Variants in ACRBP observed in about 807,000 individuals in gnomAD.
ACRBP encodes acrosin binding protein.
In ACRBP, 52 loss-of-function variants were observed where a neutral mutation model predicts 69.0. The observed-to-expected ratio is 0.75, with a 90% confidence interval of 0.60 to 0.95. The LOEUF (loss-of-function observed/expected upper bound fraction) is 0.95. Ranked by LOEUF, ACRBP falls within the 40% of genes least tolerant of loss-of-function variation. ACRBP has a pLI of 0.00. For synonymous variants in ACRBP, 267 were observed against 258.9 expected (o/e 1.03, Z -0.30); for missense variants, 604 against 673.0 (o/e 0.90, Z 1.13).
chr12:6,644,006 T>C, intron 5 of ACRBP, 131 bp downstream of exon 5: 3 of 1,460,216 alleles, frequency 2.1e-6, no homozygotes, highest in South Asian at 2.9e-5. Flanking sequence ...GGTGAGGCAG[T>C]TGCTAGCTGT....
chr12:6,644,687 C>G (rs1949075921), intron 4 of ACRBP, 82 bp from the exon 5 acceptor site: 10 of 1,513,656 alleles, frequency 6.6e-6, no homozygotes, highest in Non-Finnish European at 8.8e-6. Flanking sequence ...GGGACACACA[C>G]ATAAACAAAG....
At position 6,647,221 on chromosome 12, in the gene ACRBP, C is replaced by G. The variant is rs947452376; in HGVS notation, c.43+103G>C. 4.3e-6 allele frequency: 6 copies of G among 1,383,836 alleles called. No homozygotes were observed. In the African/African-American group the frequency reaches 5.9e-5, roughly 14 times the overall value. 85.7% of individuals were successfully genotyped at this position (1,383,836 alleles called of 1,614,324 possible). The stretch of plus-strand genomic sequence containing the variant: ...CAGGACCTAGGGAGCCGACCCAGCG[C>G]GACCACCATGAGGAAGCGATCCAGA... On this transcript the variant is annotated intron_variant, in intron 1 of 9. Coordinates refer to ENST00000229243, the MANE Select transcript of ACRBP (RefSeq NM_032489.3).
chr12:6,644,506 G>T lies in ACRBP; in HGVS notation c.575C>A (p.Ala192Glu), dbSNP rs376933199. ...SSLSLGGQEQ[A>E]PEHKQEQGVE... ...TCCTTGCTCCTGCTTGTGCTCTGGCGCTTGCTCCTGGCCTCCCAGGGACAA... is the reference window on the plus strand; with the variant it reads ...TCCTTGCTCCTGCTTGTGCTCTGGCTCTTGCTCCTGGCCTCCCAGGGACAA... Residue 192 changes from alanine to glutamate, a missense_variant, in exon 5 of 10, where the codon GCG becomes GAG. Ala to Glu is a moderately radical substitution (Grantham distance 107, BLOSUM62 -1). This residue lies in a region of ACRBP where 532 missense variants were observed against 562.9 expected (regional missense o/e 0.95). Coordinates refer to ENST00000229243, the MANE Select transcript of ACRBP (RefSeq NM_032489.3). The T allele has an allele frequency of 6.2e-7, 1 of 1,613,932 alleles. No individual in the cohort carries two copies. Among genetic ancestry groups the T allele is most frequent in the Non-Finnish European group, 8.5e-7 (1 of 1,180,020 alleles).
rs577802329 is a variant in ACRBP at position 6,645,111 on chromosome 12, C to T, written c.475+109G>A. The T allele has an allele frequency of 3.2e-3, 2,717 of 857,818 alleles. 14 individuals are homozygous for T. The highest frequency in any genetic ancestry group is 8.3e-3 in the South Asian group (488 of 58,554). 53.1% of individuals were successfully genotyped at this position (857,818 alleles called of 1,614,324 possible). Reference sequence around the variant, plus strand: ...TGTAAACAGCTGTCTGCTGGCGCCCCCTTCCCGCCCAACATGCTTCCCATT... The same window carrying T: ...TGTAAACAGCTGTCTGCTGGCGCCCTCTTCCCGCCCAACATGCTTCCCATT... On this transcript the variant is annotated intron_variant, in intron 4 of 9. Coordinates refer to ENST00000229243, the MANE Select transcript of ACRBP (RefSeq NM_032489.3).
Position 6,647,337 on chromosome 12 carries a change from G to A in ACRBP, c.30C>T (p.Pro10=). 6.5e-7 allele frequency: 1 copy of A among 1,549,562 alleles called. No individual in the cohort carries two copies. Residue 10 remains proline, a synonymous_variant, in exon 1 of 10, where the codon CCC becomes CCT. Transcript: ENST00000229243. MRKPAAGFL[P]SLLKVLLLPL... ...TAAACCTCTCACCCTTCAGGAGTGA[G>A]GGAAGGAAGCCAGCGGCTGGCTTCC...
chr12:6,647,060 G>C, intron 1 of ACRBP, 48 bp from the exon 2 acceptor site: 1 of 1,546,116 alleles, frequency 6.5e-7, no homozygotes. Context: ...CCCAAAACCC[G>C]CTCCGAGACC....
Position 6,640,396 on chromosome 12 carries a change from T to C in ACRBP, c.1204A>G (p.Thr402Ala), listed in dbSNP as rs1382811428. 1 of 1,613,750 alleles carries C rather than the reference T, an allele frequency of 6.2e-7. No homozygotes were observed. Among genetic ancestry groups the C allele is most frequent in the South Asian group, 1.1e-5 (1 of 91,056 alleles). The change falls in exon 7 of 10, where the codon ACT (threonine) becomes GCT (alanine). Residue 402 changes from threonine (T) to alanine (A), a missense_variant. Thr to Ala is a moderately conservative substitution (Grantham distance 58, BLOSUM62 0). This residue lies in a region of ACRBP where 532 missense variants were observed against 562.9 expected (regional missense o/e 0.95). Coordinates refer to ENST00000229243, the MANE Select transcript of ACRBP (RefSeq NM_032489.3). This position sits in a 1 kb window ranked among gnomAD's most constrained non-coding sequence, Gnocchi z 5.3. ...GCAAGCAAGGGGCTGACAAAGGGAG[T>C]CTTGTGGGAGGTGTCGCATTGTTGC... ...QRQQCDTSHKTPFVSPLLASQ... is the reference protein window; with the variant it reads ...QRQQCDTSHKAPFVSPLLASQ...
In ACRBP at chr12:6,640,599, G is replaced by C; in HGVS notation, c.1078-77C>G. The C allele has an allele frequency of 6.7e-7, 1 of 1,483,334 alleles. No individual in the cohort carries two copies. Among genetic ancestry groups the C allele is most frequent in the Non-Finnish European group, 9.1e-7 (1 of 1,094,192 alleles). The allele number at this position is 1,483,334 out of a possible 1,614,324, so 91.9% of individuals were successfully genotyped here. A position where few individuals can be genotyped will look rare whatever the true frequency, so the allele number is the denominator to read the frequency against. On this transcript the variant is annotated intron_variant, in intron 6 of 9. Coordinates refer to ENST00000229243, the MANE Select transcript of ACRBP (RefSeq NM_032489.3). The surrounding 1 kb of genome is among the most constrained non-coding windows in gnomAD (Gnocchi z 5.3). Reference sequence around the variant, plus strand: ...CTCCCATGCCTCAGCCCTCCAGGGTGGGCCCTGCAGAATGTCTTTGCATTT... The same window carrying C: ...CTCCCATGCCTCAGCCCTCCAGGGTCGGCCCTGCAGAATGTCTTTGCATTT...
Position 6,638,172 on chromosome 12 carries a change from G to A in ACRBP, c.*110C>T. ...GTTGCTCCAACCCAAGGAAATGTGA[G>A]TAGGGGCCGAGTAACAGACCCAGAA... On this transcript the variant is annotated 3_prime_UTR_variant, in exon 10 of 10. Transcript: ENST00000229243. 2 of 1,481,594 alleles carry A rather than the reference G, an allele frequency of 1.3e-6. No individual in the cohort carries two copies. Among genetic ancestry groups the A allele is most frequent in the Non-Finnish European group, 1.8e-6 (2 of 1,087,424 alleles). 91.8% of individuals were successfully genotyped at this position (1,481,594 alleles called of 1,614,324 possible). A position where few individuals can be genotyped will look rare whatever the true frequency, so the allele number is the denominator to read the frequency against.
In ACRBP at chr12:6,647,014, T is replaced by G. The variant is rs756313091; in HGVS notation, c.44-2A>C. 1.9e-5 allele frequency: 31 copies of G among 1,607,988 alleles called. No individual in the cohort carries two copies. Among genetic ancestry groups the G allele is most frequent in the Non-Finnish European group, 2.6e-5 (31 of 1,179,698 alleles). ...CAGGTGCCAGAGGCAGGAGCAGCAC[T>G]GCGGAGCGGGCGAACGGATGATGGA... On this transcript the variant is annotated splice_acceptor_variant, in intron 1 of 9. Transcript: ENST00000229243. LOFTEE classifies it high-confidence loss of function.
In ACRBP at chr12:6,638,583, C is replaced by T. The variant is rs1565391019; in HGVS notation, c.1510-179G>A. On this transcript the variant is annotated intron_variant, in intron 9 of 9. Transcript: ENST00000229243. ...AAAGCCAGAGGAGACATCAAGCAGC[C>T]CAACCCCTTTCATGCAGAAACAGGC... 4.1e-6 allele frequency: 5 copies of T among 1,214,186 alleles called. No individual in the cohort carries two copies. In the East Asian group the frequency reaches 1.3e-4, roughly 31 times the overall value. 75.2% of individuals were successfully genotyped at this position (1,214,186 alleles called of 1,614,324 possible).
Sources: gnomAD v4.1 joint callset for allele counts on GRCh38, gnomAD v4.1.1 for gene constraint, gnomAD v4.1.1 regional missense constraint, Gnocchi (gnomAD v3.1) non-coding constraint, MANE v1.5 for transcripts, NCBI Gene and HGNC (gene_info 2026-07-23, HGNC 2026-07-21) for gene names.